Variants in ATP2B2 observed in about 807,000 individuals in gnomAD.
The protein encoded by ATP2B2 is plasma membrane calcium-transporting ATPase 2.
ATP2B2 carries 15 observed loss-of-function variants against 120.0 expected under a neutral mutation model. The observed-to-expected ratio is 0.12, with a 90% CI of 0.08 to 0.19. ATP2B2 has a LOEUF of 0.19. Ranked by LOEUF, ATP2B2 falls within the 10% of genes least tolerant of loss-of-function variation. The probability of loss-of-function intolerance (pLI) is 1.00; values close to 1 mark genes in which losing one functional copy is unlikely to be tolerated. For missense variants in ATP2B2, 1,045 were observed against 1,719.8 expected (o/e 0.61, Z 6.94); for synonymous variants, 694 against 700.3 (o/e 0.99, Z 0.14).
At chr3:10,517,335 G>A (rs990501361) in intron 3 of ATP2B2, among the ~76,000 whole-genome samples, 2 of 152,180 alleles carry the variant, frequency 1.3e-5, no homozygotes, top group African/African-American at 2.4e-5. Context: ...GGGAGGTGGT[G>A]GTGGAGCACC....
chr3:10,522,323 A>G (rs2067000525), intron 3 of ATP2B2, among the ~76,000 whole-genome samples: 1 of 152,072 alleles, frequency 6.6e-6, no homozygotes, highest in African/African-American at 2.4e-5. Flanking sequence ...TGAGGCTCAG[A>G]GAAGTTAGCT....
intron 1 of ATP2B2, among the ~76,000 whole-genome samples, chr3:10,450,232 C>A (rs1035447241): frequency 6.6e-6 from 1 of 152,130 alleles, no homozygotes; most frequent in African/African-American, 2.4e-5. Flanking sequence ...GCCCCATGCA[C>A]CAGCTTTGAG....
chr3:10,340,803 T>G lies in ATP2B2; in HGVS notation c.2918-99A>C. 8.3e-7 allele frequency: 1 copy of G among 1,209,830 alleles called. No homozygotes were observed. The highest frequency in any genetic ancestry group is 1.3e-5 in the South Asian group (1 of 79,828). 74.9% of individuals were successfully genotyped at this position (1,209,830 alleles called of 1,614,324 possible). A position where few individuals can be genotyped will look rare whatever the true frequency, so the allele number is the denominator to read the frequency against. ...TGGGGGCCTCTTCTGAGCAGTGACG[T>G]GAATCCCCAAGACATCAAGGCATGC... On this transcript the variant is annotated intron_variant, in intron 19 of 22. Transcript: ENST00000360273. This position sits in a 1 kb window ranked among gnomAD's most constrained non-coding sequence, Gnocchi z 5.0.
chr3:10,665,304 C>A (rs1328988634), intron 1 of ATP2B2, among the ~76,000 whole-genome samples: 2 of 152,182 alleles, frequency 1.3e-5, no homozygotes, highest in Admixed American at 6.5e-5. Flanking sequence ...TCTCTGTAGT[C>A]TTCCCTCAGC....
chr3:10,339,956 G>C (rs1158961854), intron 21 of ATP2B2, among the ~76,000 whole-genome samples: 2 of 152,180 alleles, frequency 1.3e-5, no homozygotes, highest in Non-Finnish European at 2.9e-5. Context: ...GTAACAGGAC[G>C]TTGCCTTTAA....
intron 8 of ATP2B2, among the ~76,000 whole-genome samples, chr3:10,383,326 G>A (rs1338467246): frequency 6.6e-6 from 1 of 152,070 alleles, no homozygotes; most frequent in African/African-American, 2.4e-5. Flanking sequence ...AATCAGCCTA[G>A]GAAACTCTAT....
chr3:10,340,698 T>C lies in ATP2B2; in HGVS notation c.2924A>G (p.Lys975Arg), dbSNP rs1015069977. The C allele has an allele frequency of 6.2e-6, 10 of 1,613,844 alleles. No individual in the cohort carries two copies. Among genetic ancestry groups the C allele is most frequent in the Non-Finnish European group, 5.9e-6 (7 of 1,179,880 alleles). Reference sequence around the variant, plus strand: ...CCTCCCGCTGTCGATCTGGAACATCTTCTCGCCTGCCAAGTGAGAGAGTGG... The same window carrying C: ...CCTCCCGCTGTCGATCTGGAACATCCTCTCGCCTGCCAAGTGAGAGAGTGG... ...LIFTLLFVGE[K>R]MFQIDSGRNA... Residue 975 changes from lysine to arginine, a missense_variant, in exon 20 of 23, where the codon AAG becomes AGG. Lys to Arg is a conservative substitution (Grantham distance 26). Coordinates refer to ENST00000360273, the MANE Select transcript of ATP2B2 (RefSeq NM_001001331.4). This position sits in a 1 kb window ranked among gnomAD's most constrained non-coding sequence, Gnocchi z 5.0.
At chr3:10,338,588 C>G (rs1034373533) in intron 21 of ATP2B2, 2 of 540,580 alleles carry the variant, frequency 3.7e-6, no homozygotes, top group Non-Finnish European at 6.4e-6. Context: ...GGCTGGAGTG[C>G]AATTTGCTTT....
At chr3:10,551,796 G>T (rs1006830585) in intron 2 of ATP2B2, among the ~76,000 whole-genome samples, 1 of 152,178 alleles carries the variant, frequency 6.6e-6, no homozygotes. Flanking sequence ...GAATGTCCTG[G>T]CCATGTGACC....
chr3:10,475,714 G>T (rs193175058), intron 1 of ATP2B2, among the ~76,000 whole-genome samples: 13 of 152,320 alleles, frequency 8.5e-5, no homozygotes, highest in Admixed American at 7.8e-4. Context: ...AGAAAGAAAG[G>T]CTCAGAGGAC....
chr3:10,376,935 C>T (rs1233680170), intron 10 of ATP2B2, among the ~76,000 whole-genome samples: 2 of 152,166 alleles, frequency 1.3e-5, no homozygotes, highest in Admixed American at 1.3e-4. Flanking sequence ...CAGCTGCCCC[C>T]GGCTTCTTCC....
At chr3:10,620,223 C>T (rs756152910) in intron 1 of ATP2B2, among the ~76,000 whole-genome samples, 7 of 152,160 alleles carry the variant, frequency 4.6e-5, no homozygotes, top group Non-Finnish European at 8.8e-5. Context: ...AGCTCAGTTG[C>T]GCCTCCTTCC....
chr3:10,562,392 C>T (rs1392933914), intron 2 of ATP2B2, among the ~76,000 whole-genome samples: 1 of 152,110 alleles, frequency 6.6e-6, no homozygotes, highest in Non-Finnish European at 1.5e-5. Context: ...TCTTAGTCTC[C>T]TAAGTGGTAT....
chr3:10,656,419 A>G (rs1202689968), intron 1 of ATP2B2, among the ~76,000 whole-genome samples: 1 of 152,202 alleles, frequency 6.6e-6, no homozygotes. Flanking sequence ...CTTTCCCCTC[A>G]GGAACTGGCT....
chr3:10,596,074 CAG>C (rs2068757906), intron 2 of ATP2B2, among the ~76,000 whole-genome samples: 1 of 152,200 alleles, frequency 6.6e-6, no homozygotes, highest in Admixed American at 6.5e-5. Context: ...GTCCCCTCTG[CAG>C]AGAGGCCCTC....
At chr3:10,416,349 C>T (rs1426873099) in intron 2 of ATP2B2, among the ~76,000 whole-genome samples, 1 of 152,174 alleles carries the variant, frequency 6.6e-6, no homozygotes, top group Non-Finnish European at 1.5e-5. Context: ...TCTGCCCTGG[C>T]CATTCCCATT....
intron 1 of ATP2B2, among the ~76,000 whole-genome samples, chr3:10,677,357 C>T (rs566936792): frequency 6.6e-6 from 1 of 152,032 alleles, no homozygotes; most frequent in South Asian, 2.1e-4. Context: ...CTGGAAAAGG[C>T]AAAACTATGG....
chr3:10,403,426 A>G (rs1238081196), intron 3 of ATP2B2, among the ~76,000 whole-genome samples: 4 of 152,226 alleles, frequency 2.6e-5, no homozygotes, highest in Admixed American at 1.3e-4. Context: ...GGAAGAACCT[A>G]GGCACATCTG....
chr3:10,635,797 T>A lies in ATP2B2; in HGVS notation c.-459-15836A>T, dbSNP rs2125644811. Among the ~76,000 whole-genome samples, 1 of 152,260 alleles carries A rather than the reference T, an allele frequency of 6.6e-6. No individual in the cohort carries two copies. Among genetic ancestry groups the A allele is most frequent in the Middle Eastern group, 3.4e-3 (1 of 294 alleles). On this transcript the variant is annotated intron_variant, in intron 1 of 21. Coordinates refer to the ATP2B2 transcript ENST00000646379. This position sits in a 1 kb window ranked among gnomAD's most constrained non-coding sequence, Gnocchi z 4.3. The stretch of plus-strand genomic sequence containing the variant: ...AGGCTGGGCTGGAGTCAGCAAATGA[T>A]CCCCTGGTGGGTATTTCATAAAGCA...
Sources: gnomAD v4.1 joint callset for allele counts (sites outside exome capture counted in the v4.1 genomes callset) on GRCh38, gnomAD v4.1.1 for gene constraint, Gnocchi (gnomAD v3.1) non-coding constraint, MANE v1.5 for transcripts, NCBI Gene and HGNC (gene_info 2026-07-23, HGNC 2026-07-21) for gene names.